Variants in BCAN observed in about 807,000 individuals in gnomAD.
The protein encoded by BCAN is brevican.
In BCAN, 51 loss-of-function variants were observed where a neutral mutation model predicts 92.4. The ratio of observed to expected loss-of-function variants is 0.55; its 90% CI spans 0.44 to 0.70. BCAN has a LOEUF of 0.70. BCAN is among the 30% of genes least tolerant of loss of function. BCAN has a pLI of 0.00. For synonymous variants in BCAN, 501 were observed against 505.2 expected, an observed-to-expected ratio of 0.99 and a Z score of 0.11; for missense variants, 1,140 against 1,212.1, an observed-to-expected ratio of 0.94 and a Z score of 0.88.
Position 156,659,293 on chromosome 1 carries a change from G to C in BCAN, c.*159G>C, listed in dbSNP as rs2102575581. On this transcript the variant is annotated 3_prime_UTR_variant, in exon 14 of 14. Coordinates refer to ENST00000329117, the MANE Select transcript of BCAN (RefSeq NM_021948.5). Reference sequence around the variant, plus strand: ...TGAAGGGGCTTCTGGGAAATACCTAGGAGGCTCCAGCCCAGCCCAGGCCCT... The same window carrying C: ...TGAAGGGGCTTCTGGGAAATACCTACGAGGCTCCAGCCCAGCCCAGGCCCT... The C allele has an allele frequency of 3.3e-6, 2 of 614,834 alleles. No individual in the cohort carries two copies. Among genetic ancestry groups the C allele is most frequent in the Non-Finnish European group, 5.5e-6 (2 of 360,522 alleles). The allele number at this position is 614,834 out of a possible 1,614,324, so 38.1% of individuals were successfully genotyped here. A position where few individuals can be genotyped will look rare whatever the true frequency, so the allele number is the denominator to read the frequency against.
intron 2 of BCAN, 144 bp from the exon 3 acceptor site, chr1:156,646,657 C>T (rs1352233501): frequency 1.7e-6 from 1 of 581,264 alleles, no homozygotes; most frequent in Admixed American, 1.1e-4. Context: ...AGGACCCTGG[C>T]CCCTGGCCCC....
chr1:156,645,466 G>A (rs940199758), intron 1 of BCAN, among the ~76,000 whole-genome samples: 1 of 152,156 alleles, frequency 6.6e-6, no homozygotes, highest in African/African-American at 2.4e-5. Context: ...GAGAAGCTGT[G>A]CTTACTTGCG....
chr1:156,656,597 C>T (rs1679337658), intron 9 of BCAN: 4 of 455,604 alleles, frequency 8.8e-6, no homozygotes, highest in Non-Finnish European at 1.5e-5. Context: ...CATTTGAGAC[C>T]AGTGCAAAGC....
At chr1:156,654,653 C>A (rs1055079820) in intron 8 of BCAN, among the ~76,000 whole-genome samples, 8 of 152,120 alleles carry the variant, frequency 5.3e-5, no homozygotes, top group African/African-American at 1.9e-4. Flanking sequence ...GGACCAAAGA[C>A]CAAGTTTGAG....
At chr1:156,657,345 G>A in intron 10 of BCAN, 1 of 597,128 alleles carries the variant, frequency 1.7e-6, no homozygotes, top group Non-Finnish European at 2.8e-6. Flanking sequence ...GGGCCGCCGT[G>A]CAGGGGGCCG....
At position 156,652,431 on chromosome 1, in the gene BCAN, C is replaced by T. The variant is rs2102565779; in HGVS notation, c.1481C>T (p.Ser494Phe). The T allele has an allele frequency of 6.2e-7, 1 of 1,604,320 alleles. No homozygotes were observed. Among genetic ancestry groups the T allele is most frequent in the Non-Finnish European group, 8.5e-7 (1 of 1,175,108 alleles). Residue 494 changes from serine (S) to phenylalanine (F), a missense_variant, in exon 8 of 14, where the codon TCT becomes TTT. Physicochemically the swap from Ser to Phe is radical, Grantham distance 155. Transcript: ENST00000329117. The stretch of plus-strand genomic sequence containing the variant: ...CTCAGCAGCCCGGGCCCTGAGGCCT[C>T]TCTCCCCACTGAGCCAGCAGCCCAG... ...SELSSPGPEA[S>F]LPTEPAAQEE...
chr1:156,658,833 G>C lies in BCAN; in HGVS notation c.2628+100G>C. The stretch of plus-strand genomic sequence containing the variant: ...GCCTGTCACTGGCCATGTGACCTTG[G>C]AGCCATCACTGCCCCTCTCTGAGGC... On this transcript the variant is annotated intron_variant, in intron 13 of 13. Transcript: ENST00000329117. The surrounding 1 kb of genome is among the most constrained non-coding windows in gnomAD (Gnocchi z 4.4). 1 of 1,527,344 alleles carries C rather than the reference G, an allele frequency of 6.5e-7. No individual in the cohort carries two copies. The highest frequency in any genetic ancestry group is 1.2e-5 in the South Asian group (1 of 86,132). The allele number at this position is 1,527,344 out of a possible 1,614,324, so 94.6% of individuals were successfully genotyped here.
intron 1 of BCAN, chr1:156,643,725 C>A (rs4233511): frequency 0.89 from 135,923 of 151,982 alleles, 61,356 homozygotes; most frequent in East Asian, 0.99. Context: ...ATGGACATCC[C>A]GGGTCAGACA....
intron 1 of BCAN, chr1:156,644,048 T>A (rs1291256867): frequency 1.3e-5 from 2 of 152,254 alleles, no homozygotes; most frequent in East Asian, 3.9e-4. Flanking sequence ...ATTGGGAGGC[T>A]GAGGCCCGAG....
In BCAN at chr1:156,647,724, G is replaced by A. The variant is rs1433470845; in HGVS notation, c.641+42G>A. ...GATTGGGGCTTCTATTGGCCCCTGAGGTGGCCATGGCCCCCCTTCTGCTGG... is the reference window on the plus strand; with the variant it reads ...GATTGGGGCTTCTATTGGCCCCTGAAGTGGCCATGGCCCCCCTTCTGCTGG... On this transcript the variant is annotated intron_variant, in intron 4 of 13. Transcript: ENST00000329117. The surrounding 1 kb of genome is among the most constrained non-coding windows in gnomAD (Gnocchi z 4.8). 2.6e-6 allele frequency: 4 copies of A among 1,558,062 alleles called. No homozygotes were observed. The highest frequency in any genetic ancestry group is 3.5e-6 in the Non-Finnish European group (4 of 1,148,868).
Position 156,647,909 on chromosome 1 carries a change from GT to G in BCAN, c.642-72del. ...GTGTCTGCACTGTGGTGGCAGTGGG[GT>G]TCAATAGAATCAATATGGGCTGGCT... On this transcript the variant is annotated intron_variant, in intron 4 of 13. Transcript: ENST00000329117. This position sits in a 1 kb window ranked among gnomAD's most constrained non-coding sequence, Gnocchi z 4.8. 1.3e-6 allele frequency: 2 copies of G among 1,599,706 alleles called. No individual in the cohort carries two copies. Among genetic ancestry groups the G allele is most frequent in the Non-Finnish European group, 1.7e-6 (2 of 1,167,430 alleles).
Position 156,659,305 on chromosome 1 carries a change from C to T in BCAN, c.*171C>T, listed in dbSNP as rs1557994102. 1.7e-6 allele frequency: 1 copy of T among 582,868 alleles called. No homozygotes were observed. The highest frequency in any genetic ancestry group is 3.0e-6 in the Non-Finnish European group (1 of 336,202). The allele number at this position is 582,868 out of a possible 1,614,324, so 36.1% of individuals were successfully genotyped here. On this transcript the variant is annotated 3_prime_UTR_variant, in exon 14 of 14. Coordinates refer to ENST00000329117, the MANE Select transcript of BCAN (RefSeq NM_021948.5). ...TGGGAAATACCTAGGAGGCTCCAGC[C>T]CAGCCCAGGCCCTCTCCCCCTACCC...
rs749964659 is a variant in BCAN, at chr1:156,647,399, G to C, written c.467-109G>C. 1 of 1,247,908 alleles carries C rather than the reference G, an allele frequency of 8.0e-7. No homozygotes were observed. Among genetic ancestry groups the C allele is most frequent in the Non-Finnish European group, 1.1e-6 (1 of 903,560 alleles). 77.3% of individuals were successfully genotyped at this position (1,247,908 alleles called of 1,614,324 possible). On this transcript the variant is annotated intron_variant, in intron 3 of 13. Coordinates refer to ENST00000329117, the MANE Select transcript of BCAN (RefSeq NM_021948.5). This position sits in a 1 kb window ranked among gnomAD's most constrained non-coding sequence, Gnocchi z 4.8. ...TTAAGTCCCTCATGCTGTAGAGTGA[G>C]CACAATTGAACTTTATTTACCCTTG...
At position 156,658,401 on chromosome 1, in the gene BCAN, A is replaced by G. The variant is rs1679412154; in HGVS notation, c.2437+130A>G. ...GTCAGAACGTGTTCCAGACCATGGG[A>G]GAGCTAACAAGTTACGTGGGTCCAC... On this transcript the variant is annotated intron_variant, in intron 12 of 13. Coordinates refer to ENST00000329117, the MANE Select transcript of BCAN (RefSeq NM_021948.5). This position sits in a 1 kb window ranked among gnomAD's most constrained non-coding sequence, Gnocchi z 4.4. The G allele has an allele frequency of 7.5e-6, 11 of 1,461,204 alleles. No individual in the cohort carries two copies. In the South Asian group the frequency reaches 1.5e-4, roughly 19 times the overall value. 90.5% of individuals were successfully genotyped at this position (1,461,204 alleles called of 1,614,324 possible). A position where few individuals can be genotyped will look rare whatever the true frequency, so the allele number is the denominator to read the frequency against.
In BCAN at chr1:156,645,172, TC is replaced by T. The variant is rs5777996; in HGVS notation, c.-8-867del. On this transcript the variant is annotated intron_variant, in intron 1 of 13. Transcript: ENST00000329117. ...AAGGGGTAGCCCCTCCCATTTATTC[TC>T]CCCCCCCTTAGTCCACCCTCCAGCC... Among the ~76,000 whole-genome samples, 24 of 151,562 alleles carry T rather than the reference TC, an allele frequency of 1.6e-4. No individual in the cohort carries two copies. The South Asian group carries it at 2.5e-3, about 16-fold the overall frequency.
intron 5 of BCAN, among the ~76,000 whole-genome samples, 180 bp from the exon 6 acceptor site, chr1:156,648,388 C>T (rs1403219902): frequency 6.6e-6 from 1 of 152,176 alleles, no homozygotes; most frequent in Non-Finnish European, 1.5e-5. Flanking sequence ...TGGGCCCCAT[C>T]TCTTTGAGCT....
At position 156,648,750 on chromosome 1, in the gene BCAN, C is replaced by A. The variant is rs1221702116; in HGVS notation, c.952C>A (p.Pro318Thr). Residue 318 changes from proline (P) to threonine (T), a missense_variant, in exon 6 of 14, where the codon CCC becomes ACC. Transcript: ENST00000329117. ...DGSVRYPIVT[P>T]SQRCGGGLPG... ...CAGTGTGCGCTACCCCATCGTCACA[C>A]CCAGCCAGCGCTGTGGTGGGGGCTT... 2 of 1,612,738 alleles carry A rather than the reference C, an allele frequency of 1.2e-6. No homozygotes were observed.
chr1:156,647,463 C>A lies in BCAN; in HGVS notation c.467-45C>A. 4 of 1,499,726 alleles carry A rather than the reference C, an allele frequency of 2.7e-6. No individual in the cohort carries two copies. The highest frequency in any genetic ancestry group is 2.2e-5 in the Admixed American group (1 of 44,538). The allele number at this position is 1,499,726 out of a possible 1,614,324, so 92.9% of individuals were successfully genotyped here. On this transcript the variant is annotated intron_variant, in intron 3 of 13. Transcript: ENST00000329117. This position sits in a 1 kb window ranked among gnomAD's most constrained non-coding sequence, Gnocchi z 4.8. Reference sequence around the variant, plus strand: ...GACAAGGAGGGTGAGGGGAGGCCAGCGTGCTGGGTGCTCACCTGGCTCAGG... The same window carrying A: ...GACAAGGAGGGTGAGGGGAGGCCAGAGTGCTGGGTGCTCACCTGGCTCAGG...
chr1:156,648,137 G>T, intron 5 of BCAN, 27 bp downstream of exon 5: 1 of 1,604,184 alleles, frequency 6.2e-7, no homozygotes, highest in Non-Finnish European at 8.5e-7. Context: ...GGTTCCCAGG[G>T]GACAATTTCC....
Sources: allele counts gnomAD v4.1 joint callset (sites outside exome capture counted in the v4.1 genomes callset), GRCh38; gene constraint gnomAD v4.1.1; non-coding constraint Gnocchi (gnomAD v3.1); transcripts MANE v1.5; gene names NCBI Gene and HGNC (gene_info 2026-07-23, HGNC 2026-07-21).